Variants in CFAP91 observed in about 807,000 individuals in gnomAD.
The protein encoded by CFAP91 is cilia and flagella associated protein 91.
CFAP91 carries 85 observed loss-of-function variants against 95.9 expected under a neutral mutation model. That is an observed-to-expected ratio of 0.89 (90% CI 0.74 to 1.06). CFAP91 has a LOEUF of 1.06. Ranked by LOEUF, CFAP91 falls within the 50% of genes least tolerant of loss-of-function variation. The pLI is 0.00. For synonymous variants in CFAP91, 335 were observed against 327.5 expected, an observed-to-expected ratio of 1.02 and a Z score of -0.25; for missense variants, 962 against 943.4, an observed-to-expected ratio of 1.02 and a Z score of -0.26.
At chr3:119,713,143 G>C (rs1207019637) in intron 5 of CFAP91, 2 of 147,166 alleles carry the variant, frequency 1.4e-5, no homozygotes. Context: ...TTTTTGAGAT[G>C]GAGTCTTGCT....
At chr3:119,748,043 A>T (rs111966462) in intron 16 of CFAP91, 141 bp downstream of exon 16, 2 of 657,598 alleles carry the variant, frequency 3.0e-6, no homozygotes, top group South Asian at 2.0e-5. Context: ...AGAGCTTGTC[A>T]GGTTCTCTTC....
chr3:119,707,202 C>A, intron 2 of CFAP91: 1 of 526,110 alleles, frequency 1.9e-6, no homozygotes, highest in Non-Finnish European at 3.4e-6. Context: ...GCCCTATCCC[C>A]TACCCCCTCC....
At position 119,747,644 on chromosome 3, in the gene CFAP91, T is replaced by C. The variant is rs542372379; in HGVS notation, c.2052-167T>C. On this transcript the variant is annotated intron_variant, in intron 15 of 17. Coordinates refer to ENST00000273390, the MANE Select transcript of CFAP91 (RefSeq NM_033364.4). ...AGGACAGGGTCAAATCCAAATTTTT[T>C]TGTGGAGTTAAACAAACTTGCCAGG... 412 of 638,664 alleles carry C rather than the reference T, an allele frequency of 6.5e-4. 1 individual carries two copies. Among genetic ancestry groups the C allele is most frequent in the Admixed American group, 1.7e-3 (52 of 30,704 alleles). The allele number at this position is 638,664 out of a possible 1,614,324, so 39.6% of individuals were successfully genotyped here. A position where few individuals can be genotyped will look rare whatever the true frequency, so the allele number is the denominator to read the frequency against.
At chr3:119,718,180 G>A (rs528332329) in intron 6 of CFAP91, among the ~76,000 whole-genome samples, 12 of 152,314 alleles carry the variant, frequency 7.9e-5, no homozygotes, top group African/African-American at 2.9e-4. Context: ...AACAGAAAAT[G>A]GAGCAGTCTG....
At chr3:119,755,849 G>A (rs77583458) in intron 17 of CFAP91, among the ~76,000 whole-genome samples, 147 of 152,290 alleles carry the variant, frequency 9.7e-4, no homozygotes, top group African/African-American at 3.3e-3. Context: ...GAGAAACTCA[G>A]TGAATCTCTC....
At chr3:119,750,626 TGG>T (rs1478948674) in intron 16 of CFAP91, 8 of 362,984 alleles carry the variant, frequency 2.2e-5, no homozygotes, top group Non-Finnish European at 3.1e-5. Context: ...GTGCGGTAAG[TGG>T]TAAATCTGGG....
rs770612672 is a variant in CFAP91, at chr3:119,747,842, G to A, written c.2083G>A (p.Ala695Thr). Residue 695 changes from alanine to threonine, a missense_variant, in exon 16 of 18, where the codon GCT becomes ACT. Physicochemically the swap from Ala to Thr is moderately conservative, Grantham distance 58. Coordinates refer to ENST00000273390, the MANE Select transcript of CFAP91 (RefSeq NM_033364.4). ...CTATCTTCAGTCAGAGGAGATTGTT[G>A]CTGAGTTGGTTTATAGTTTTCTGAT... ...RTYLQSEEIV[A>T]ELVYSFLIPE... The A allele has an allele frequency of 6.2e-7, 1 of 1,613,484 alleles. No individual in the cohort carries two copies. The highest frequency in any genetic ancestry group is 8.5e-7 in the Non-Finnish European group (1 of 1,179,728).
intron 10 of CFAP91, among the ~76,000 whole-genome samples, chr3:119,736,960 C>T (rs2054020586): frequency 6.6e-6 from 1 of 152,072 alleles, no homozygotes; most frequent in African/African-American, 2.4e-5. Flanking sequence ...CCTCAGCCTC[C>T]CGAGTAGCTG....
chr3:119,709,968 A>C, intron 5 of CFAP91, 73 bp downstream of exon 5: 1 of 1,166,750 alleles, frequency 8.6e-7, no homozygotes, highest in Non-Finnish European at 1.3e-6. Context: ...CTTAGAAGAT[A>C]GTTCACTAAA....
rs1419017789 is a variant in CFAP91, at chr3:119,706,880, A to C, written c.196A>C (p.Arg66=). 5 of 1,611,924 alleles carry C rather than the reference A, an allele frequency of 3.1e-6. No homozygotes were observed. Among genetic ancestry groups the C allele is most frequent in the Middle Eastern group, 3.3e-4 (2 of 6,060 alleles). The change falls in exon 2 of 18, where the codon AGA becomes CGA. Residue 66 remains arginine (R), a synonymous_variant. Transcript: ENST00000273390. The part of the protein sequence containing the change: ...ANIQATLIRS[R]LRKVPRFKTM... ...TATCCAAGCTACCCTGATTCGCAGC[A>C]GACTGGTATGTCTAATTCATCAGCC...
intron 6 of CFAP91, among the ~76,000 whole-genome samples, chr3:119,720,919 A>C (rs2053672023): frequency 6.6e-6 from 1 of 151,034 alleles, no homozygotes; most frequent in Non-Finnish European, 1.5e-5. Context: ...TTGTTTAGGG[A>C]ATAATGACAA....
intron 5 of CFAP91, 170 bp from the exon 6 acceptor site, chr3:119,715,392 A>C (rs753673815): frequency 6.9e-6 from 5 of 726,574 alleles, no homozygotes; most frequent in Non-Finnish European, 1.2e-5. Flanking sequence ...CAATTCTCTC[A>C]AGATTTGTGC....
At chr3:119,738,934 C>T (rs1306143230) in intron 11 of CFAP91, among the ~76,000 whole-genome samples, 1 of 152,004 alleles carries the variant, frequency 6.6e-6, no homozygotes, top group African/African-American at 2.4e-5. Context: ...ATGTTATATG[C>T]AATACTTGTT....
At chr3:119,734,987 AT>A (rs201369866) in intron 10 of CFAP91, among the ~76,000 whole-genome samples, 2 of 151,742 alleles carry the variant, frequency 1.3e-5, no homozygotes, top group African/African-American at 4.8e-5. Flanking sequence ...TTTTTGGTAA[AT>A]TTTTTTTTAT....
chr3:119,725,143 G>A (rs1223506459), intron 6 of CFAP91, among the ~76,000 whole-genome samples: 1 of 152,128 alleles, frequency 6.6e-6, no homozygotes, highest in Non-Finnish European at 1.5e-5. Context: ...GATCAAACAG[G>A]AAACTTGTTC....
chr3:119,735,589 C>G (rs2053985843), intron 10 of CFAP91, among the ~76,000 whole-genome samples: 1 of 152,204 alleles, frequency 6.6e-6, no homozygotes, highest in South Asian at 2.1e-4. Context: ...GATCAGAGGT[C>G]ATAGTCTGTG....
intron 17 of CFAP91, among the ~76,000 whole-genome samples, chr3:119,760,067 T>C (rs887310902): frequency 6.6e-6 from 1 of 151,860 alleles, no homozygotes; most frequent in African/African-American, 2.4e-5. Flanking sequence ...AATTCTCCAA[T>C]TCAAAGACAT....
chr3:119,745,241 C>T (rs967697404), intron 14 of CFAP91, among the ~76,000 whole-genome samples: 7 of 152,168 alleles, frequency 4.6e-5, no homozygotes, highest in Admixed American at 6.5e-5. Context: ...CATCCTACTT[C>T]CCCAGCCTCC....
intron 6 of CFAP91, 30 bp downstream of exon 6, chr3:119,715,773 A>G (rs768572355): frequency 6.3e-7 from 1 of 1,599,260 alleles, no homozygotes. Flanking sequence ...GACTATTGGC[A>G]GATGACGATG....
Sources: allele counts gnomAD v4.1 joint callset (sites outside exome capture counted in the v4.1 genomes callset), GRCh38; gene constraint gnomAD v4.1.1; transcripts MANE v1.5; gene names NCBI Gene and HGNC (gene_info 2026-07-23, HGNC 2026-07-21).